LIMA1: variants seen among roughly 807,000 people sequenced by gnomAD.
LIMA1 encodes LIM domain and actin-binding protein 1.
A neutral mutation model predicts 62.6 loss-of-function variants in LIMA1; 52 were observed. The observed-to-expected ratio is 0.83, with a 90% CI of 0.67 to 1.05. The LOEUF is 1.05. Among genes scored for constraint, LIMA1 ranks in the 50% least tolerant of loss-of-function variants. The probability of loss-of-function intolerance (pLI) is 0.00; values close to 1 mark genes in which losing one functional copy is unlikely to be tolerated. For synonymous variants in LIMA1, 302 were observed against 317.8 expected (o/e 0.95, Z 0.53); for missense variants, 780 against 902.2 (o/e 0.86, Z 1.74).
At chr12:50,193,597 T>C (rs1280278214) in intron 8 of LIMA1, among the ~76,000 whole-genome samples, 1 of 13,880 alleles carries the variant, frequency 7.2e-5, no homozygotes, top group Non-Finnish European at 1.7e-4. Context: ...ATATATGATA[T>C]ATATATACAT....
At chr12:50,209,545 G>C (rs959996792) in intron 4 of LIMA1, among the ~76,000 whole-genome samples, 1 of 133,964 alleles carries the variant, frequency 7.5e-6, no homozygotes, top group Non-Finnish European at 1.5e-5. Context: ...TCCAGGCTAG[G>C]TGACAGAGCG....
At chr12:50,192,406 C>T (rs1191423642) in intron 9 of LIMA1, 46 bp downstream of exon 9, 2 of 1,253,792 alleles carry the variant, frequency 1.6e-6, no homozygotes, top group African/African-American at 3.0e-5. Flanking sequence ...ATTAGCTCTA[C>T]CAGTAGACCA....
Position 50,177,184 on chromosome 12 carries a change from A to T in LIMA1, c.2160T>A (p.Thr720=), listed in dbSNP as rs113030643. The change falls in exon 11 of 11, where the codon ACT becomes ACA. Residue 720 remains threonine, a synonymous_variant. Coordinates refer to ENST00000341247, the MANE Select transcript of LIMA1 (RefSeq NM_016357.5). ...FVDNTFAEEF[T]TQNQKSQDVE... ...CATCCTGGGATTTCTGATTCTGAGT[A>T]GTGAATTCTTCAGCAAAGGTGTTGT... The T allele has an allele frequency of 1.9e-6, 3 of 1,614,118 alleles. No individual in the cohort carries two copies. Among genetic ancestry groups the T allele is most frequent in the Non-Finnish European group, 2.5e-6 (3 of 1,180,020 alleles).
intron 9 of LIMA1, among the ~76,000 whole-genome samples, chr12:50,183,679 C>A (rs889278212): frequency 1.3e-4 from 19 of 151,474 alleles, no homozygotes; most frequent in Non-Finnish European, 4.4e-5. Context: ...GGCATGGTGG[C>A]GTGTGCCTAT....
chr12:50,226,909 CTT>C (rs57111000), intron 3 of LIMA1, among the ~76,000 whole-genome samples: 4,071 of 134,230 alleles, frequency 0.03, 201 homozygotes, highest in African/African-American at 0.1. Flanking sequence ...AATTCTTTTT[CTT>C]TTTTTTTTTT....
intron 9 of LIMA1, chr12:50,187,998 C>T (rs1940669053): frequency 6.6e-6 from 1 of 152,210 alleles, no homozygotes; most frequent in Non-Finnish European, 1.5e-5. Flanking sequence ...GCTCTGCTCT[C>T]AGAACGACAC....
chr12:50,191,624 A>T (rs1940774125), intron 9 of LIMA1, among the ~76,000 whole-genome samples: 1 of 152,048 alleles, frequency 6.6e-6, no homozygotes, highest in Non-Finnish European at 1.5e-5. Context: ...GATTGAGACC[A>T]TCCCGGCTAA....
chr12:50,232,653 G>C (rs961704829), intron 2 of LIMA1, among the ~76,000 whole-genome samples: 2 of 151,550 alleles, frequency 1.3e-5, no homozygotes, highest in African/African-American at 4.8e-5. Context: ...ACAGGCATGA[G>C]CCACCAGGCC....
At chr12:50,248,181 C>T (rs1467455057) in intron 2 of LIMA1, among the ~76,000 whole-genome samples, 1 of 152,168 alleles carries the variant, frequency 6.6e-6, no homozygotes, top group African/African-American at 2.4e-5. Context: ...TATATAGTGG[C>T]TACCACATTG....
chr12:50,228,004 C>T (rs769759440), intron 3 of LIMA1, among the ~76,000 whole-genome samples: 8 of 151,698 alleles, frequency 5.3e-5, no homozygotes, highest in African/African-American at 7.3e-5. Context: ...GGACTACAGG[C>T]GCCCGCCACC....
chr12:50,214,584 G>A (rs1941312068), intron 4 of LIMA1, among the ~76,000 whole-genome samples: 1 of 152,224 alleles, frequency 6.6e-6, no homozygotes, highest in East Asian at 1.9e-4. Flanking sequence ...CAAGGTGGGG[G>A]GATCACAAGG....
Position 50,270,233 on chromosome 12 carries a change from C to CAAA in LIMA1, c.-24+13184_-24+13186dup, listed in dbSNP as rs60610107. Among the ~76,000 whole-genome samples, 48 of 68,400 alleles carry CAAA rather than the reference C, an allele frequency of 7.0e-4. 1 individual carries two copies. Among genetic ancestry groups the CAAA allele is most frequent in the African/African-American group, 2.8e-3 (47 of 16,562 alleles). The allele number at this position is 68,400 out of a possible 152,430, so 44.9% of individuals were successfully genotyped here. On this transcript the variant is annotated intron_variant, in intron 1 of 10. Transcript: ENST00000341247. Reference sequence around the variant, plus strand: ...CTGGGCAACAAGAGTGAAACTCTGTCAAAAAAAAAAAAAAAAAAAAAAAAA... The same window carrying CAAA: ...CTGGGCAACAAGAGTGAAACTCTGTCAAAAAAAAAAAAAAAAAAAAAAAAAAAA...
intron 1 of LIMA1, among the ~76,000 whole-genome samples, chr12:50,276,413 T>C (rs919653368): frequency 1.3e-5 from 2 of 152,140 alleles, no homozygotes; most frequent in Non-Finnish European, 2.9e-5. Context: ...TACAAAGGCA[T>C]TAAACATATT....
chr12:50,249,219 C>A (rs1941893993), intron 1 of LIMA1, among the ~76,000 whole-genome samples: 2 of 152,134 alleles, frequency 1.3e-5, no homozygotes, highest in Non-Finnish European at 2.9e-5. Flanking sequence ...CCACTCAGTG[C>A]CAGGGAGAGA....
intron 7 of LIMA1, among the ~76,000 whole-genome samples, chr12:50,197,579 C>T (rs1490074662): frequency 2.6e-5 from 4 of 152,160 alleles, no homozygotes; most frequent in African/African-American, 9.7e-5. Flanking sequence ...TCATGATTCA[C>T]AGTCGCACTA....
intron 3 of LIMA1, among the ~76,000 whole-genome samples, chr12:50,224,896 ATTTTTTTTTT>A (rs773474227): frequency 1.9e-5 from 2 of 104,860 alleles, no homozygotes; most frequent in African/African-American, 4.1e-5. Flanking sequence ...CATGCCTGGC[ATTTTTTTTTT>A]TTTTTTTTTT....
chr12:50,195,219 A>C (rs1007928020), intron 8 of LIMA1, among the ~76,000 whole-genome samples: 2 of 152,100 alleles, frequency 1.3e-5, no homozygotes, highest in Non-Finnish European at 1.5e-5. Context: ...ATGAAAATTA[A>C]AAGTTATACT....
chr12:50,223,021 C>CA (rs760517284), intron 3 of LIMA1, among the ~76,000 whole-genome samples: 37 of 152,020 alleles, frequency 2.4e-4, no homozygotes, highest in Non-Finnish European at 2.9e-4. Context: ...AGGATTGAAA[C>CA]AATTTGTAGA....
intron 9 of LIMA1, chr12:50,191,323 T>G (rs1435259831): frequency 7.4e-6 from 1 of 135,622 alleles, no homozygotes. Context: ...GCCTGGAGAT[T>G]GAGGCCAGCC....
Sources: allele counts gnomAD v4.1 joint callset (sites outside exome capture counted in the v4.1 genomes callset), GRCh38; gene constraint gnomAD v4.1.1; transcripts MANE v1.5; gene names NCBI Gene and HGNC (gene_info 2026-07-23, HGNC 2026-07-21).